The following COL6A6 variants were observed in gnomAD, a reference collection of about 807,000 sequenced individuals.
COL6A6 encodes collagen type VI alpha 6 chain.
Under a neutral mutation model 208.6 loss-of-function variants are expected in COL6A6, and 183 were observed. The observed-to-expected ratio is 0.88, with a 90% CI of 0.78 to 0.99. The LOEUF is 0.99. Among genes scored for constraint, COL6A6 ranks in the 50% least tolerant of loss-of-function variants. The probability of loss-of-function intolerance (pLI) is 0.00; values close to 1 mark genes in which losing one functional copy is unlikely to be tolerated. For missense variants in COL6A6, 2,816 were observed against 2,815.2 expected (o/e 1.00, Z -0.01); for synonymous variants, 973 against 1,011.8 (o/e 0.96, Z 0.73).
chr3:130,575,890 A>G (rs1183547350), intron 8 of COL6A6, among the ~76,000 whole-genome samples: 2 of 149,848 alleles, frequency 1.3e-5, no homozygotes, highest in Non-Finnish European at 3.0e-5. Flanking sequence ...AGATCTCTCC[A>G]TCACAGTTTT....
chr3:130,578,929 C>T (rs990741889), intron 8 of COL6A6, among the ~76,000 whole-genome samples: 5 of 152,274 alleles, frequency 3.3e-5, no homozygotes, highest in East Asian at 1.9e-4. Context: ...AGGGCTCTTC[C>T]GTGGACAAAT....
At chr3:130,604,316 A>AC (rs1247809533) in intron 20 of COL6A6, among the ~76,000 whole-genome samples, 1 of 150,732 alleles carries the variant, frequency 6.6e-6, no homozygotes, top group African/African-American at 2.4e-5. Context: ...ACACAGTGAA[A>AC]CCCCGTCTCT....
chr3:130,614,403 C>T (rs115736601), intron 23 of COL6A6, among the ~76,000 whole-genome samples: 3,404 of 152,176 alleles, frequency 0.022, 146 homozygotes, highest in African/African-American at 0.078. Context: ...CTACTGGATT[C>T]GCTTTGCTAG....
Position 130,581,830 on chromosome 3 carries a change from C to A in COL6A6, c.3817C>A (p.Pro1273Thr). ...NSLKDITVKG[P>T]SLLNANLLDS... ...CTTGAAGGATATAACAGTTAAAGGACCATCTCTTCTCAATGCAAACCTCTT... is the reference window on the plus strand; with the variant it reads ...CTTGAAGGATATAACAGTTAAAGGAACATCTCTTCTCAATGCAAACCTCTT... Residue 1273 changes from proline to threonine, a missense_variant, in exon 9 of 37, where the codon CCA becomes ACA. Transcript: ENST00000358511. 6.2e-7 allele frequency: 1 copy of A among 1,613,342 alleles called. No individual in the cohort carries two copies. The highest frequency in any genetic ancestry group is 1.1e-5 in the South Asian group (1 of 91,040).
intron 28 of COL6A6, among the ~76,000 whole-genome samples, chr3:130,640,273 C>A (rs1054329710): frequency 2.0e-5 from 3 of 152,152 alleles, no homozygotes; most frequent in Non-Finnish European, 4.4e-5. Flanking sequence ...TTTCTCAGGT[C>A]TGTTCAGTCA....
chr3:130,523,303 G>T (rs912501951), intron 1 of COL6A6, among the ~76,000 whole-genome samples: 3 of 152,084 alleles, frequency 2.0e-5, no homozygotes, highest in African/African-American at 7.2e-5. Context: ...TAGGAAAAGT[G>T]CCCTTCCCTG....
rs2062934727 is a variant in COL6A6, at chr3:130,563,203, C to T, written c.200C>T (p.Ala67Val). ...ATAGAGGCCGACAAATACCGTGTGG[C>T]CCTGGCCCAGTACAGTGATAAACTT... is the stretch of plus-strand genomic sequence containing the variant. ...LPIEADKYRVALAQYSDKLHS... is the reference protein window; with the variant it reads ...LPIEADKYRVVLAQYSDKLHS... Residue 67 changes from alanine to valine, a missense_variant, in exon 3 of 37, where the codon GCC becomes GTC. By Grantham distance (64) the Ala-to-Val change is moderately conservative (BLOSUM62 0). Transcript: ENST00000358511. The T allele has an allele frequency of 6.2e-7, 1 of 1,614,000 alleles. No homozygotes were observed. Among genetic ancestry groups the T allele is most frequent in the Non-Finnish European group, 8.5e-7 (1 of 1,179,896 alleles).
chr3:130,527,802 T>C (rs897614208), intron 1 of COL6A6, among the ~76,000 whole-genome samples: 1 of 151,882 alleles, frequency 6.6e-6, no homozygotes, highest in African/African-American at 2.4e-5. Context: ...CTGCTTATCA[T>C]CTGGGACCTT....
At chr3:130,549,763 C>T (rs377437665) in intron 1 of COL6A6, among the ~76,000 whole-genome samples, 4 of 152,122 alleles carry the variant, frequency 2.6e-5, no homozygotes, top group Non-Finnish European at 5.9e-5. Flanking sequence ...TGCTTTTGTA[C>T]GAGTACCATG....
Position 130,649,516 on chromosome 3 carries a change from T to C in COL6A6, c.5687T>C (p.Val1896Ala), listed in dbSNP as rs2065570859. The C allele has an allele frequency of 2.5e-6, 4 of 1,603,396 alleles. No individual in the cohort carries two copies. The highest frequency in any genetic ancestry group is 3.4e-6 in the Non-Finnish European group (4 of 1,174,716). Residue 1896 changes from valine to alanine, a missense_variant, in exon 33 of 37, where the codon GTG becomes GCG. Val to Ala is a moderately conservative substitution (Grantham distance 64, BLOSUM62 0). Transcript: ENST00000358511. The stretch of plus-strand genomic sequence containing the variant: ...TTCGGCGCGCTTGAAATCATTCCCG[T>C]GGTGATCACTTTCAGCAACGTGCCC... The part of the protein sequence containing the change: ...MEFGALEIIP[V>A]VITFSNVPSV...
Position 130,673,220 on chromosome 3 carries a change from A to AAAAAACC in COL6A6, c.6597-1977_6597-1976insCCAAAAA, listed in dbSNP as rs1553724905. On this transcript the variant is annotated intron_variant, in intron 36 of 36. Transcript: ENST00000358511. ...AAAACAAAAAAAACAAAAAAAACAA[A>AAAAAACC]AAAAAAAAACAAAACCCAAGTGCAA... Among the ~76,000 whole-genome samples, 283 of 129,636 alleles carry AAAAAACC rather than the reference A, an allele frequency of 2.2e-3. 7 individuals carry two copies. Among genetic ancestry groups the AAAAAACC allele is most frequent in the African/African-American group, 7.9e-3 (272 of 34,428 alleles). The allele number at this position is 129,636 out of a possible 152,430, so 85.0% of individuals were successfully genotyped here. A position where few individuals can be genotyped will look rare whatever the true frequency, so the allele number is the denominator to read the frequency against.
intron 32 of COL6A6, among the ~76,000 whole-genome samples, chr3:130,645,742 C>T (rs756987511): frequency 1.3e-5 from 2 of 152,192 alleles, no homozygotes; most frequent in Non-Finnish European, 2.9e-5. Context: ...ATCCATGGAG[C>T]TCATGCCTAA....
At chr3:130,622,379 A>G (rs2064752752) in intron 24 of COL6A6, among the ~76,000 whole-genome samples, 1 of 152,056 alleles carries the variant, frequency 6.6e-6, no homozygotes. Context: ...CTGGCATGTA[A>G]TATGTGATTA....
chr3:130,571,269 CA>C lies in COL6A6; in HGVS notation c.2855del (p.Asn952IlefsTer6). The C allele has an allele frequency of 4.3e-6, 7 of 1,614,062 alleles. No individual in the cohort carries two copies. Among genetic ancestry groups the C allele is most frequent in the Non-Finnish European group, 5.9e-6 (7 of 1,179,894 alleles). On this transcript the variant is annotated frameshift_variant, in exon 7 of 37. Transcript: ENST00000358511. LOFTEE classifies it high-confidence loss of function. ...TCCTGGCTGTGGGGATTGATGGTGC[CA>C]ATCCCGTGGAGCTGTTAGCCATGGC... Reference protein sequence around the residue: ...LVLAVGIDGANPVELLAMAGS... With the variant: ...LVLAVGIDGAXPVELLAMAGS...
intron 23 of COL6A6, 97 bp from the exon 24 acceptor site, chr3:130,621,724 T>A: frequency 1.0e-6 from 1 of 995,616 alleles, no homozygotes; most frequent in Non-Finnish European, 1.5e-6. Context: ...ATAACTCTTC[T>A]CTCGTCTGTG....
chr3:130,594,580 G>T (rs186344838), intron 18 of COL6A6, among the ~76,000 whole-genome samples: 1 of 152,296 alleles, frequency 6.6e-6, no homozygotes, highest in Admixed American at 6.5e-5. Context: ...TACATACTCA[G>T]AATTGTTTTT....
chr3:130,518,489 A>G (rs2107652570), intron 1 of COL6A6, among the ~76,000 whole-genome samples: 1 of 152,262 alleles, frequency 6.6e-6, no homozygotes, highest in East Asian at 1.9e-4. Context: ...TCTTGTCTTT[A>G]TAAAAGAGGT....
chr3:130,542,870 A>G (rs1307690733), intron 1 of COL6A6, among the ~76,000 whole-genome samples: 6 of 145,664 alleles, frequency 4.1e-5, no homozygotes, highest in Non-Finnish European at 3.0e-5. Context: ...TAGTGTTAAC[A>G]TAGTACATGT....
intron 24 of COL6A6, among the ~76,000 whole-genome samples, chr3:130,623,877 G>T (rs894946038): frequency 2.0e-5 from 3 of 152,150 alleles, no homozygotes; most frequent in African/African-American, 7.2e-5. Context: ...CAACAAAAAA[G>T]CACACTGGAT....
Sources: gnomAD v4.1 joint callset for allele counts (sites outside exome capture counted in the v4.1 genomes callset) on GRCh38, gnomAD v4.1.1 for gene constraint, MANE v1.5 for transcripts, NCBI Gene and HGNC (gene_info 2026-07-23, HGNC 2026-07-21) for gene names.